The following NRXN3 variants were observed in gnomAD, a reference collection of about 807,000 sequenced individuals.
NRXN3 encodes the protein neurexin III.
NRXN3 carries 32 observed loss-of-function variants against 137.6 expected under a neutral mutation model. The ratio of observed to expected loss-of-function variants is 0.23; its 90% CI spans 0.18 to 0.31. The LOEUF is 0.31. Ranked by LOEUF, NRXN3 falls within the 10% of genes least tolerant of loss-of-function variation. The pLI is 1.00. For synonymous variants in NRXN3, 798 were observed against 784.5 expected (o/e 1.02, Z -0.29); for missense variants, 1,574 against 2,062.5 (o/e 0.76, Z 4.59).
chr14:79,108,456 A>C (rs1340408883), intron 15 of NRXN3, among the ~76,000 whole-genome samples: 2 of 152,178 alleles, frequency 1.3e-5, no homozygotes, highest in African/African-American at 4.8e-5. Flanking sequence ...TAAAGCACTC[A>C]ATGGAGAACC....
intron 15 of NRXN3, among the ~76,000 whole-genome samples, chr14:79,200,509 A>G (rs978832625): frequency 3.0e-4 from 45 of 152,294 alleles, no homozygotes; most frequent in African/African-American, 1.0e-3. Context: ...TCTGGAGATG[A>G]AGATGGAAGG....
chr14:78,930,618 A>G (rs1433493948), intron 10 of NRXN3, among the ~76,000 whole-genome samples: 2 of 152,156 alleles, frequency 1.3e-5, no homozygotes, highest in Non-Finnish European at 2.9e-5. Flanking sequence ...AAGGAAGGGG[A>G]TTTTTATATA....
intron 15 of NRXN3, among the ~76,000 whole-genome samples, chr14:79,001,130 G>T (rs553647530): frequency 6.6e-6 from 1 of 152,022 alleles, no homozygotes; most frequent in South Asian, 2.1e-4. Flanking sequence ...TTTTGGTGGC[G>T]GATTCTGCCG....
intron 15 of NRXN3, among the ~76,000 whole-genome samples, chr14:79,299,245 A>G (rs74067995): frequency 0.015 from 2,237 of 152,254 alleles, 61 homozygotes; most frequent in African/African-American, 0.051. Flanking sequence ...TTTCTCTTGT[A>G]AATAGTGATC....
At chr14:78,223,032 G>A (rs2064040459) in intron 1 of NRXN3, among the ~76,000 whole-genome samples, 1 of 152,104 alleles carries the variant, frequency 6.6e-6, no homozygotes, top group Non-Finnish European at 1.5e-5. Context: ...AAATATTTAG[G>A]GTCCTCTTGA....
chr14:78,182,369 A>G (rs1249171072), intron 1 of NRXN3, among the ~76,000 whole-genome samples: 1 of 152,080 alleles, frequency 6.6e-6, no homozygotes, highest in Non-Finnish European at 1.5e-5. Context: ...GAACTGAAGG[A>G]CAGATGGGGG....
chr14:78,461,853 T>C (rs1356108982), intron 4 of NRXN3, among the ~76,000 whole-genome samples: 1 of 152,212 alleles, frequency 6.6e-6, no homozygotes, highest in Admixed American at 6.5e-5. Context: ...AATTGAAGTG[T>C]ACCTTTCCAG....
chr14:78,339,634 A>G (rs1203052816), intron 4 of NRXN3, among the ~76,000 whole-genome samples: 1 of 152,276 alleles, frequency 6.6e-6, no homozygotes, highest in East Asian at 1.9e-4. Context: ...CCTTTTTGAA[A>G]TTGCTGGCAG....
chr14:79,391,134 C>G (rs534854748), intron 15 of NRXN3, among the ~76,000 whole-genome samples: 1 of 151,748 alleles, frequency 6.6e-6, no homozygotes, highest in Non-Finnish European at 1.5e-5. Context: ...GACTTAGTCA[C>G]CAACTAAATG....
At chr14:78,524,487 G>T (rs2096344857) in intron 4 of NRXN3, among the ~76,000 whole-genome samples, 1 of 152,210 alleles carries the variant, frequency 6.6e-6, no homozygotes, top group Non-Finnish European at 1.5e-5. Context: ...TGCCTGGAGG[G>T]TTTATTAAAA....
At chr14:79,798,283 T>G (rs914437423) in intron 19 of NRXN3, among the ~76,000 whole-genome samples, 1 of 152,182 alleles carries the variant, frequency 6.6e-6, no homozygotes, top group South Asian at 2.1e-4. Context: ...ATTAGGTAAT[T>G]GAAAAACTCA....
Position 78,919,137 on chromosome 14 carries a change from C to G in NRXN3, c.2276-38105C>G, listed in dbSNP as rs549512867. On this transcript the variant is annotated intron_variant, in intron 10 of 20. Transcript: ENST00000335750. ...CAGATGAACTATTTGTTTTCCATCACTAGAATATTTTTCTTCTAAAACTTT... is the reference window on the plus strand; with the variant it reads ...CAGATGAACTATTTGTTTTCCATCAGTAGAATATTTTTCTTCTAAAACTTT... 2.0e-5 allele frequency among the ~76,000 whole-genome samples: 3 copies of G among 152,312 alleles called. No homozygotes were observed. In the South Asian group the frequency reaches 6.2e-4, roughly 32 times the overall value.
intron 5 of NRXN3, among the ~76,000 whole-genome samples, chr14:78,648,839 T>C (rs72683573): frequency 0.055 from 8,301 of 152,078 alleles, 273 homozygotes; most frequent in Middle Eastern, 0.14. Context: ...TGTTGGGGGG[T>C]CTTTCCTTTT....
At chr14:79,765,835 C>T (rs1024730889) in intron 19 of NRXN3, among the ~76,000 whole-genome samples, 2 of 152,164 alleles carry the variant, frequency 1.3e-5, no homozygotes, top group Admixed American at 1.3e-4. Flanking sequence ...AGGAATCTTC[C>T]ACTACTTTTT....
At chr14:79,166,927 C>T (rs375549224) in intron 15 of NRXN3, among the ~76,000 whole-genome samples, 21 of 152,002 alleles carry the variant, frequency 1.4e-4, no homozygotes, top group Middle Eastern at 3.4e-3. Flanking sequence ...GCTCAGAAAA[C>T]ATTGATTTCT....
At chr14:79,837,677 A>T (rs1603618425) in intron 20 of NRXN3, among the ~76,000 whole-genome samples, 1 of 152,154 alleles carries the variant, frequency 6.6e-6, no homozygotes, top group Non-Finnish European at 1.5e-5. Context: ...CATTTTTTGT[A>T]CAAGTGTCAA....
chr14:78,855,655 T>C lies in NRXN3; in HGVS notation c.2275+45311T>C, dbSNP rs371490186. ...ATTCTAAGAACCCAGAGGCAATGAATGCTACTGTCAAAAATAATTTGAAGA... is the reference window on the plus strand; with the variant it reads ...ATTCTAAGAACCCAGAGGCAATGAACGCTACTGTCAAAAATAATTTGAAGA... On this transcript the variant is annotated intron_variant, in intron 10 of 20. Coordinates refer to ENST00000335750, the MANE Select transcript of NRXN3 (RefSeq NM_001330195.2). Among the ~76,000 whole-genome samples, 11 of 152,308 alleles carry C rather than the reference T, an allele frequency of 7.2e-5. No homozygotes were observed. The East Asian group carries it at 1.9e-3, about 27-fold the overall frequency.
At chr14:79,005,548 T>C (rs1048143377) in intron 15 of NRXN3, among the ~76,000 whole-genome samples, 2 of 152,226 alleles carry the variant, frequency 1.3e-5, no homozygotes, top group African/African-American at 2.4e-5. Flanking sequence ...CAAACCTCCC[T>C]GGCAATTAAG....
chr14:79,500,565 T>C (rs1331800193), intron 16 of NRXN3, among the ~76,000 whole-genome samples: 1 of 152,234 alleles, frequency 6.6e-6, no homozygotes, highest in African/African-American at 2.4e-5. Context: ...GAATAATTGC[T>C]GTCCTTTCAT....
Sources: allele counts gnomAD v4.1 joint callset (sites outside exome capture counted in the v4.1 genomes callset), GRCh38; gene constraint gnomAD v4.1.1; transcripts MANE v1.5; gene names NCBI Gene and HGNC (gene_info 2026-07-23, HGNC 2026-07-21).